PADI2: variants seen among roughly 807,000 people sequenced by gnomAD.
PADI2 encodes the protein protein-arginine deiminase type-2.
A neutral mutation model predicts 81.1 loss-of-function variants in PADI2; 70 were observed. That is an observed-to-expected ratio of 0.86 (90% CI 0.71 to 1.05). PADI2 has a LOEUF of 1.05. Ranked by LOEUF, PADI2 falls within the 50% of genes least tolerant of loss-of-function variation. The pLI is 0.00. For missense variants in PADI2, 853 were observed against 889.9 expected (o/e 0.96, Z 0.53); for synonymous variants, 338 against 358.0 (o/e 0.94, Z 0.63).
chr1:17,119,432 T>G lies in PADI2; in HGVS notation c.-61A>C. 7.7e-7 allele frequency: 1 copy of G among 1,300,256 alleles called. No homozygotes were observed. The highest frequency in any genetic ancestry group is 1.1e-6 in the Non-Finnish European group (1 of 950,388). 80.5% of individuals were successfully genotyped at this position (1,300,256 alleles called of 1,614,324 possible). ...GGCGGCCGGGAGCACCTGCAGCAGG[T>G]GCGCCTTCTCCAGCAGCCTGCGCCC... On this transcript the variant is annotated 5_prime_UTR_variant, in exon 1 of 16. Transcript: ENST00000375486. This position sits in a 1 kb window ranked among gnomAD's most constrained non-coding sequence, Gnocchi z 4.8.
At chr1:17,085,923 A>AT (rs1435160455) in intron 7 of PADI2, among the ~76,000 whole-genome samples, 4 of 152,136 alleles carry the variant, frequency 2.6e-5, no homozygotes, top group Non-Finnish European at 4.4e-5. Flanking sequence ...TGTGATAGAG[A>AT]TTCTTGTGAG....
At chr1:17,105,987 G>A (rs927661546) in intron 1 of PADI2, among the ~76,000 whole-genome samples, 5 of 152,180 alleles carry the variant, frequency 3.3e-5, no homozygotes, top group African/African-American at 1.2e-4. Flanking sequence ...AGGCAGGAAT[G>A]AATTTGCTCC....
At chr1:17,118,549 C>T (rs1931833548) in intron 1 of PADI2, among the ~76,000 whole-genome samples, 1 of 152,134 alleles carries the variant, frequency 6.6e-6, no homozygotes, top group Non-Finnish European at 1.5e-5. Context: ...CTACCAAGTT[C>T]TTGGACAGAG....
rs184349915 is a variant in PADI2 at position 17,105,397 on chromosome 1, T to G, written c.93-336A>C. ...AGAGCAAGACCCTGTCTCTTCTTTT[T>G]TGTGTGTGTGTGTGTGAGGCAGAGT... On this transcript the variant is annotated intron_variant, in intron 1 of 15. Coordinates refer to ENST00000375486, the MANE Select transcript of PADI2 (RefSeq NM_007365.3). 2.1e-3 allele frequency among the ~76,000 whole-genome samples: 300 copies of G among 143,250 alleles called. 2 individuals carry two copies. Among genetic ancestry groups the G allele is most frequent in the South Asian group, 8.9e-3 (41 of 4,618 alleles). The allele number at this position is 143,250 out of a possible 152,430, so 94.0% of individuals were successfully genotyped here.
intron 1 of PADI2, among the ~76,000 whole-genome samples, chr1:17,118,383 GCATAACCCCAC>G (rs1931827532): frequency 6.6e-6 from 1 of 152,062 alleles, no homozygotes; most frequent in Non-Finnish European, 1.5e-5. Context: ...TCAAACCCCA[GCATAACCCCAC>G]CCTTTCATTC....
At chr1:17,101,121 C>T (rs1049614955) in intron 3 of PADI2, among the ~76,000 whole-genome samples, 9 of 151,982 alleles carry the variant, frequency 5.9e-5, no homozygotes, top group Admixed American at 2.0e-4. Flanking sequence ...TATTAACAGA[C>T]CTCGGAAGGA....
chr1:17,093,660 C>T lies in PADI2; in HGVS notation c.436G>A (p.Gly146Ser), dbSNP rs1226075265. The change falls in exon 5 of 16, where the codon GGC (glycine) becomes AGC (serine). Residue 146 changes from glycine to serine, a missense_variant. Coordinates refer to ENST00000375486, the MANE Select transcript of PADI2 (RefSeq NM_007365.3). ...KKASWTWGPE[G>S]QGAILLVNCD... is the part of the protein sequence containing the mutation. ...TTCACCAGCAGGATGGCCCCCTGGC[C>T]CTCGGGGCCCCAGGTCCAGGATGCC... The T allele has an allele frequency of 6.2e-7, 1 of 1,613,556 alleles. No homozygotes were observed. The highest frequency in any genetic ancestry group is 1.3e-5 in the African/African-American group (1 of 74,912).
chr1:17,101,715 C>T (rs1011863458), intron 3 of PADI2, among the ~76,000 whole-genome samples: 2 of 152,180 alleles, frequency 1.3e-5, no homozygotes, highest in East Asian at 1.9e-4. Context: ...GGGGCTGGCT[C>T]GGGAGTTAGT....
intron 1 of PADI2, among the ~76,000 whole-genome samples, chr1:17,117,884 C>T (rs1292352892): frequency 6.6e-6 from 1 of 152,218 alleles, no homozygotes; most frequent in Admixed American, 6.5e-5. Context: ...TGCACCCCAC[C>T]AGAGCCTGGA....
rs145669805 is a variant in PADI2 at position 17,092,490 on chromosome 1, G to A, written c.573C>T (p.Pro191=). The part of the protein sequence containing the change: ...MSQMILRTKG[P]DRLPAGYEIV... The stretch of plus-strand genomic sequence containing the variant: ...TCTCGTATCCGGCGGGGAGGCGGTC[G>A]GGGCCTTTGGTCCGCAGGATCATCT... Residue 191 remains proline (P), a synonymous_variant, in exon 6 of 16, where the codon CCC becomes CCT. Transcript: ENST00000375486. The A allele has an allele frequency of 3.1e-4, 502 of 1,602,670 alleles. 5 individuals are homozygous for A. In the South Asian group the frequency reaches 3.8e-3, roughly 12 times the overall value.
chr1:17,073,023 C>T (rs2078274928), intron 13 of PADI2, among the ~76,000 whole-genome samples: 2 of 152,150 alleles, frequency 1.3e-5, no homozygotes, highest in South Asian at 2.1e-4. Flanking sequence ...GTCTTTGGAT[C>T]TGAGGGGCAG....
At chr1:17,092,622 A>G in intron 5 of PADI2, 89 bp from the exon 6 acceptor site, 1 of 1,202,634 alleles carries the variant, frequency 8.3e-7, no homozygotes, top group Non-Finnish European at 1.2e-6. Flanking sequence ...TCAGGAAAAA[A>G]TCCCCATGGA....
intron 11 of PADI2, among the ~76,000 whole-genome samples, chr1:17,076,181 T>C (rs1457260601): frequency 6.6e-6 from 1 of 152,164 alleles, no homozygotes; most frequent in African/African-American, 2.4e-5. Context: ...CTCATCCATG[T>C]GCCTCTTTGC....
chr1:17,083,710 G>C lies in PADI2; in HGVS notation c.1050+16C>G, dbSNP rs1467483902. 6.5e-7 allele frequency: 1 copy of C among 1,537,294 alleles called. No individual in the cohort carries two copies. Among genetic ancestry groups the C allele is most frequent in the South Asian group, 1.1e-5 (1 of 89,494 alleles). ...CGGGGGCCATGTCCTTCCCAGCCTGGACCTGGGCTCCTTACCTGGATCCAG... is the reference window on the plus strand; with the variant it reads ...CGGGGGCCATGTCCTTCCCAGCCTGCACCTGGGCTCCTTACCTGGATCCAG... On this transcript the variant is annotated intron_variant, in intron 9 of 15. Coordinates refer to ENST00000375486, the MANE Select transcript of PADI2 (RefSeq NM_007365.3).
At chr1:17,117,040 A>G (rs543824053) in intron 1 of PADI2, among the ~76,000 whole-genome samples, 1 of 152,168 alleles carries the variant, frequency 6.6e-6, no homozygotes, top group Non-Finnish European at 1.5e-5. Context: ...TGCTACTGGC[A>G]TCTAGGGGAC....
At position 17,075,128 on chromosome 1, in the gene PADI2, C is replaced by T. The variant is rs1478167896; in HGVS notation, c.1456-179G>A. The T allele has an allele frequency of 1.7e-5, 9 of 521,728 alleles. No homozygotes were observed. In the East Asian group the frequency reaches 2.6e-4, roughly 15 times the overall value. The allele number at this position is 521,728 out of a possible 1,614,324, so 32.3% of individuals were successfully genotyped here. On this transcript the variant is annotated intron_variant, in intron 12 of 15. Transcript: ENST00000375486. ...CTTCAGAGGAATATTTCTCACCTTTCCTCTACCTCAGCAATGTCACCAGAT... is the reference window on the plus strand; with the variant it reads ...CTTCAGAGGAATATTTCTCACCTTTTCTCTACCTCAGCAATGTCACCAGAT...
At chr1:17,069,404 G>C (rs761736689) in intron 15 of PADI2, 127 bp from the exon 16 acceptor site, 90 of 717,364 alleles carry the variant, frequency 1.3e-4, no homozygotes, top group Non-Finnish European at 2.6e-5. Flanking sequence ...GGATAGGGAC[G>C]GAGTGGGGCT....
chr1:17,081,065 T>TG (rs549780170), intron 10 of PADI2, among the ~76,000 whole-genome samples: 62 of 152,322 alleles, frequency 4.1e-4, no homozygotes, highest in Non-Finnish European at 7.2e-4. Context: ...CAACGCAGCC[T>TG]GGGGCCTTGG....
chr1:17,076,373 C>A (rs1306596246), intron 11 of PADI2, among the ~76,000 whole-genome samples: 1 of 152,092 alleles, frequency 6.6e-6, no homozygotes, highest in Non-Finnish European at 1.5e-5. Context: ...TGCCACCACG[C>A]CCGGCTAATT....
Sources: allele counts gnomAD v4.1 joint callset (sites outside exome capture counted in the v4.1 genomes callset), GRCh38; gene constraint gnomAD v4.1.1; non-coding constraint Gnocchi (gnomAD v3.1); transcripts MANE v1.5; gene names NCBI Gene and HGNC (gene_info 2026-07-23, HGNC 2026-07-21).